Variants in VRK2 observed in about 807,000 individuals in gnomAD.
VRK2 encodes the protein serine/threonine-protein kinase VRK2.
VRK2 carries 60 observed loss-of-function variants against 57.6 expected under a neutral mutation model. That is an observed-to-expected ratio of 1.04 (90% CI 0.85 to 1.29). The LOEUF is 1.29. Among genes scored for constraint, VRK2 ranks in the 50% most tolerant of loss-of-function variants. The pLI, the probability that VRK2 is intolerant of heterozygous loss-of-function variation, is 0.00. For missense variants in VRK2, 705 were observed against 588.1 expected (o/e 1.20, Z -2.06); for synonymous variants, 231 against 199.2 (o/e 1.16, Z -1.35).
intron 5 of VRK2, among the ~76,000 whole-genome samples, chr2:58,087,601 C>G (rs1346056914): frequency 6.6e-6 from 1 of 151,840 alleles, no homozygotes; most frequent in Admixed American, 6.6e-5. Context: ...ATGGAAGGTG[C>G]CAAACAGAAC....
At chr2:58,089,976 G>C (rs941366649) in intron 7 of VRK2, among the ~76,000 whole-genome samples, 1 of 152,152 alleles carries the variant, frequency 6.6e-6, no homozygotes. Context: ...GCAGGAATTT[G>C]AATTTCTGAG....
At chr2:58,091,762 A>C (rs1672411728) in intron 7 of VRK2, among the ~76,000 whole-genome samples, 1 of 152,156 alleles carries the variant, frequency 6.6e-6, no homozygotes, top group Non-Finnish European at 1.5e-5. Context: ...GAATAAACAG[A>C]ACAGAGAAGG....
intron 1 of VRK2, among the ~76,000 whole-genome samples, chr2:57,961,416 C>A (rs995557553): frequency 6.6e-6 from 1 of 152,068 alleles, no homozygotes; most frequent in Non-Finnish European, 1.5e-5. Context: ...TGAGACAAGA[C>A]AATAAGTCAC....
intron 2 of VRK2, among the ~76,000 whole-genome samples, chr2:58,075,195 C>G (rs990124179): frequency 1.3e-5 from 2 of 152,028 alleles, no homozygotes; most frequent in Non-Finnish European, 2.9e-5. Context: ...GCCTCCAGCT[C>G]CATCCATGTT....
intron 1 of VRK2, among the ~76,000 whole-genome samples, chr2:58,010,210 G>C (rs1390664531): frequency 6.6e-6 from 1 of 152,076 alleles, no homozygotes; most frequent in Admixed American, 6.6e-5. Flanking sequence ...TTAGAGGTGT[G>C]ACCTTGGGCA....
chr2:57,926,322 T>C (rs181522536), intron 1 of VRK2, among the ~76,000 whole-genome samples: 2 of 151,924 alleles, frequency 1.3e-5, no homozygotes, highest in Non-Finnish European at 2.9e-5. Context: ...GAAAGTTGGG[T>C]ATTGAAGTCT....
intron 2 of VRK2, among the ~76,000 whole-genome samples, chr2:58,066,549 C>CT (rs1314467564): frequency 2.6e-5 from 4 of 152,092 alleles, no homozygotes; most frequent in Admixed American, 2.0e-4. Context: ...CCCCTACCAT[C>CT]TTTGTCTAAT....
intron 7 of VRK2, among the ~76,000 whole-genome samples, chr2:58,109,644 A>G (rs908570762): frequency 5.3e-5 from 8 of 152,288 alleles, no homozygotes; most frequent in African/African-American, 1.9e-4. Flanking sequence ...AGGAGAATTC[A>G]CTCACTATCA....
chr2:58,095,370 C>T (rs1672989291), intron 7 of VRK2, among the ~76,000 whole-genome samples: 1 of 151,548 alleles, frequency 6.6e-6, no homozygotes, highest in South Asian at 2.1e-4. Context: ...TTGGGGGAGA[C>T]CTCACATCTG....
intron 1 of VRK2, among the ~76,000 whole-genome samples, chr2:58,006,995 C>T (rs72808498): frequency 2.6e-5 from 4 of 151,862 alleles, no homozygotes; most frequent in African/African-American, 7.2e-5. Flanking sequence ...AGTACATTGT[C>T]GAAAATGAAT....
intron 12 of VRK2, among the ~76,000 whole-genome samples, chr2:58,151,878 C>T (rs1401500003): frequency 6.7e-6 from 1 of 150,316 alleles, no homozygotes; most frequent in Non-Finnish European, 1.5e-5. Flanking sequence ...TACTCATTCA[C>T]TTACATATTG....
At position 58,048,930 on chromosome 2, in the gene VRK2, G is replaced by A; in HGVS notation, c.99G>A (p.Lys33=). The change falls in exon 2 of 13, where the codon AAG becomes AAA. Residue 33 remains lysine (K), a synonymous_variant. Transcript: ENST00000340157. The stretch of plus-strand genomic sequence containing the variant: ...AAGGCAATCAGTGGGTACTGGGCAA[G>A]AAGATTGGCTCTGGAGGATTTGGAT... ...DMEGNQWVLG[K]KIGSGGFGLI... The A allele has an allele frequency of 1.2e-6, 2 of 1,613,900 alleles. No individual in the cohort carries two copies. Among genetic ancestry groups the A allele is most frequent in the Non-Finnish European group, 1.7e-6 (2 of 1,179,892 alleles).
intron 8 of VRK2, among the ~76,000 whole-genome samples, chr2:58,127,281 C>T (rs1021194610): frequency 3.3e-5 from 5 of 152,054 alleles, no homozygotes; most frequent in African/African-American, 1.2e-4. Flanking sequence ...TATTTTCGTG[C>T]TACCAAACTT....
intron 2 of VRK2, among the ~76,000 whole-genome samples, chr2:58,026,290 G>A (rs146814324): frequency 2.2e-4 from 34 of 151,898 alleles, no homozygotes; most frequent in Admixed American, 5.2e-4. Context: ...GTGTGTGCGC[G>A]CGCACACACA....
chr2:57,976,853 G>T (rs1672266416), intron 1 of VRK2, among the ~76,000 whole-genome samples: 1 of 152,066 alleles, frequency 6.6e-6, no homozygotes, highest in African/African-American at 2.4e-5. Context: ...ATAGTTTCAG[G>T]TCTTATATTT....
intron 7 of VRK2, among the ~76,000 whole-genome samples, chr2:58,113,229 A>G (rs1195443066): frequency 6.6e-6 from 1 of 151,892 alleles, no homozygotes; most frequent in East Asian, 1.9e-4. Flanking sequence ...GACTCACATG[A>G]ACCCGGGAGG....
intron 3 of VRK2, 96 bp downstream of exon 3, chr2:58,084,234 C>T (rs143894742): frequency 7.9e-7 from 1 of 1,269,444 alleles, no homozygotes; most frequent in African/African-American, 1.5e-5. Context: ...TAACTATTGC[C>T]TTATCAGTAA....
chr2:58,124,709 C>G (rs912856733), intron 8 of VRK2, among the ~76,000 whole-genome samples: 6 of 152,162 alleles, frequency 3.9e-5, no homozygotes, highest in African/African-American at 1.4e-4. Context: ...AAAACCCATA[C>G]TAGCTTAAGG....
intron 2 of VRK2, among the ~76,000 whole-genome samples, chr2:58,063,044 C>T (rs1334077401): frequency 1.3e-5 from 2 of 151,982 alleles, no homozygotes; most frequent in Non-Finnish European, 2.9e-5. Flanking sequence ...TAAGTCGAAG[C>T]CAGTGCTTAC....
Sources: gnomAD v4.1 joint callset for allele counts (sites outside exome capture counted in the v4.1 genomes callset) on GRCh38, gnomAD v4.1.1 for gene constraint, MANE v1.5 for transcripts, NCBI Gene and HGNC (gene_info 2026-07-23, HGNC 2026-07-21) for gene names.